The following BACH2 variants were observed in gnomAD, a reference collection of about 807,000 sequenced individuals.
BACH2 encodes the protein transcription regulator protein BACH2.
In BACH2, 5 loss-of-function variants were observed where a neutral mutation model predicts 61.8. The observed-to-expected ratio is 0.08, with a 90% CI of 0.04 to 0.17. BACH2 has a LOEUF of 0.17. BACH2 is among the 10% of genes least tolerant of loss of function. BACH2 has a pLI of 1.00. For synonymous variants in BACH2, 446 were observed against 440.1 expected (o/e 1.01, Z -0.17); for missense variants, 824 against 1,091.1 (o/e 0.76, Z 3.45).
chr6:89,954,195 A>T lies in BACH2; in HGVS notation c.244-2333T>A, dbSNP rs149923539. Among the ~76,000 whole-genome samples, 394 of 152,282 alleles carry T rather than the reference A, an allele frequency of 2.6e-3. 4 individuals carry two copies. The highest frequency in any genetic ancestry group is 6.8e-3 in the African/African-American group (281 of 41,558). On this transcript the variant is annotated intron_variant, in intron 6 of 8. Transcript: ENST00000257749. ...CTCCTCTGTAATGTGCCAGTTGCCA[A>T]AAGGGTGGATAAGACACTTCTTGAG...
At chr6:90,166,434 G>C (rs1193692733) in intron 4 of BACH2, among the ~76,000 whole-genome samples, 1 of 152,200 alleles carries the variant, frequency 6.6e-6, no homozygotes, top group Non-Finnish European at 1.5e-5. Context: ...TGGAGAAATA[G>C]AAACACTTTT....
At chr6:90,292,971 C>T (rs539448862) in intron 1 of BACH2, among the ~76,000 whole-genome samples, 1 of 152,320 alleles carries the variant, frequency 6.6e-6, no homozygotes, top group Non-Finnish European at 1.5e-5. Flanking sequence ...GGCGGCCTGC[C>T]ACTCCACACT....
At chr6:90,234,820 A>C (rs997555042) in intron 3 of BACH2, among the ~76,000 whole-genome samples, 7 of 152,206 alleles carry the variant, frequency 4.6e-5, no homozygotes, top group Non-Finnish European at 1.0e-4. Context: ...GGTCCACTCA[A>C]ATCAGAGTGA....
At chr6:89,954,304 T>C (rs995412274) in intron 6 of BACH2, among the ~76,000 whole-genome samples, 1 of 150,042 alleles carries the variant, frequency 6.7e-6, no homozygotes, top group Non-Finnish European at 1.5e-5. Context: ...TTTTCTTTTT[T>C]TTTTTATTAT....
chr6:89,943,881 G>A (rs1001028798), intron 7 of BACH2, among the ~76,000 whole-genome samples: 5 of 152,142 alleles, frequency 3.3e-5, no homozygotes, highest in Admixed American at 2.0e-4. Context: ...TCAGCTCTCC[G>A]AAGTCTTTAA....
At chr6:90,129,808 T>C (rs1402710221) in intron 4 of BACH2, among the ~76,000 whole-genome samples, 1 of 152,150 alleles carries the variant, frequency 6.6e-6, no homozygotes, top group Non-Finnish European at 1.5e-5. Context: ...TTTTTGCACA[T>C]TGATTTTGTA....
intron 5 of BACH2, chr6:90,062,821 G>T: frequency 1.6e-6 from 1 of 618,984 alleles, no homozygotes; most frequent in Non-Finnish European, 2.0e-6. Flanking sequence ...AACAAAGTCT[G>T]AATAATCCTG....
At chr6:90,283,452 T>C in intron 1 of BACH2, among the ~76,000 whole-genome samples, 1 of 151,912 alleles carries the variant, frequency 6.6e-6, no homozygotes. Flanking sequence ...CTTGGCTCAC[T>C]GCAAGCTCTG....
intron 4 of BACH2, among the ~76,000 whole-genome samples, chr6:90,170,681 A>G (rs1369643319): frequency 6.6e-6 from 1 of 152,246 alleles, no homozygotes; most frequent in Non-Finnish European, 1.5e-5. Context: ...AGTGAAATCC[A>G]TGAATGGCAA....
intron 4 of BACH2, among the ~76,000 whole-genome samples, chr6:90,124,268 G>A (rs531872170): frequency 2.0e-4 from 31 of 152,296 alleles, no homozygotes; most frequent in African/African-American, 7.5e-4. Context: ...TATTGTTTAT[G>A]TAAAGCTTGA....
At chr6:90,094,977 T>G (rs144542083) in intron 4 of BACH2, among the ~76,000 whole-genome samples, 181 of 152,330 alleles carry the variant, frequency 1.2e-3, no homozygotes, top group African/African-American at 4.1e-3. Context: ...CAAATTGCAT[T>G]TAGATACCAT....
intron 2 of BACH2, among the ~76,000 whole-genome samples, chr6:90,266,122 A>G (rs1771320398): frequency 6.6e-6 from 1 of 152,174 alleles, no homozygotes. Flanking sequence ...TAGAGGCAAC[A>G]ACCATGGAGG....
At chr6:89,943,009 G>A (rs187633095) in intron 7 of BACH2, among the ~76,000 whole-genome samples, 2 of 152,014 alleles carry the variant, frequency 1.3e-5, no homozygotes, top group Non-Finnish European at 2.9e-5. Flanking sequence ...ACAGGGTCTC[G>A]CTCTGTTGCC....
chr6:89,970,328 T>C (rs867155198), intron 6 of BACH2, among the ~76,000 whole-genome samples: 1 of 150,410 alleles, frequency 6.6e-6, no homozygotes, highest in Non-Finnish European at 1.5e-5. Context: ...TCTTTCCACC[T>C]CCTGACTCTT....
At chr6:90,261,415 C>G (rs1771153578) in intron 2 of BACH2, among the ~76,000 whole-genome samples, 1 of 152,192 alleles carries the variant, frequency 6.6e-6, no homozygotes. Context: ...TGCTCTCCTT[C>G]CCTTAGTATC....
At chr6:90,165,959 G>C (rs1767596803) in intron 4 of BACH2, among the ~76,000 whole-genome samples, 1 of 152,078 alleles carries the variant, frequency 6.6e-6, no homozygotes, top group African/African-American at 2.4e-5. Flanking sequence ...AAAAACCCTA[G>C]AAGAAAACCT....
chr6:89,971,444 T>C (rs949152115), intron 6 of BACH2, among the ~76,000 whole-genome samples: 2 of 152,064 alleles, frequency 1.3e-5, no homozygotes, highest in African/African-American at 4.8e-5. Context: ...CATAAAACAA[T>C]GAATATGAAG....
In BACH2 at chr6:89,982,296, G is replaced by A. The variant is rs73494930; in HGVS notation, c.243+26306C>T. ...AGAAGAGAGTGAAGAGGCTACAGTG[G>A]CAAGTGGGAGGTGGTCTTGGGCACG... On this transcript the variant is annotated intron_variant, in intron 6 of 8. Coordinates refer to ENST00000257749, the MANE Select transcript of BACH2 (RefSeq NM_021813.4). Among the ~76,000 whole-genome samples, 1,451 of 152,224 alleles carry A rather than the reference G, an allele frequency of 9.5e-3. 25 individuals carry two copies. Among genetic ancestry groups the A allele is most frequent in the African/African-American group, 0.033 (1,387 of 41,520 alleles).
intron 5 of BACH2, among the ~76,000 whole-genome samples, chr6:90,057,098 CAGA>C (rs1314939262): frequency 6.6e-6 from 1 of 152,012 alleles, no homozygotes; most frequent in East Asian, 1.9e-4. Context: ...CAAAAGCTAG[CAGA>C]AGGCAAGAAA....
Sources: gnomAD v4.1 joint callset for allele counts (sites outside exome capture counted in the v4.1 genomes callset) on GRCh38, gnomAD v4.1.1 for gene constraint, MANE v1.5 for transcripts, NCBI Gene and HGNC (gene_info 2026-07-23, HGNC 2026-07-21) for gene names.